AP2A2: variants seen among roughly 807,000 people sequenced by gnomAD.
AP2A2 encodes the protein adaptor related protein complex 2 subunit alpha 2.
In AP2A2, 32 loss-of-function variants were observed where a neutral mutation model predicts 104.2. The observed-to-expected ratio is 0.31, with a 90% CI of 0.23 to 0.41. The LOEUF is 0.41. Ranked by LOEUF, AP2A2 falls within the 10% of genes least tolerant of loss-of-function variation. AP2A2 has a pLI of 1.00. For synonymous variants in AP2A2, 539 were observed against 533.3 expected (o/e 1.01, Z -0.15); for missense variants, 912 against 1,261.0 (o/e 0.72, Z 4.19).
rs533502307 is a variant in AP2A2, at chr11:1,011,459, G to A, written c.*834G>A. 3.4e-5 allele frequency: 17 copies of A among 496,402 alleles called. No homozygotes were observed. In the East Asian group the frequency reaches 3.5e-4, roughly 10 times the overall value. 30.7% of individuals were successfully genotyped at this position (496,402 alleles called of 1,614,324 possible). On this transcript the variant is annotated 3_prime_UTR_variant, in exon 22 of 22. Coordinates refer to ENST00000448903, the MANE Select transcript of AP2A2 (RefSeq NM_012305.4). ...AGGCCTGAGTCCTTCCACCGGCCCC[G>A]TCCAGTCGTCCCTGGAGGGGCTGTG...
Position 993,722 on chromosome 11 carries a change from G to C in AP2A2, c.1551-32G>C. ...GTGCTGCAGCCTGCGAGGGGACGAC[G>C]GTGTCCCTGTGTTGTGCCTCCCCGT... On this transcript the variant is annotated intron_variant, in intron 12 of 21. Coordinates refer to ENST00000448903, the MANE Select transcript of AP2A2 (RefSeq NM_012305.4). This position sits in a 1 kb window ranked among gnomAD's most constrained non-coding sequence, Gnocchi z 8.2. 1 of 1,524,982 alleles carries C rather than the reference G, an allele frequency of 6.6e-7. No homozygotes were observed. Among genetic ancestry groups the C allele is most frequent in the Non-Finnish European group, 8.9e-7 (1 of 1,127,710 alleles). The allele number at this position is 1,524,982 out of a possible 1,614,324, so 94.5% of individuals were successfully genotyped here. A position where few individuals can be genotyped will look rare whatever the true frequency, so the allele number is the denominator to read the frequency against.
At chr11:1,008,986 G>A (rs1269765662) in intron 18 of AP2A2, 114 bp from the exon 19 acceptor site, 14 of 839,942 alleles carry the variant, frequency 1.7e-5, no homozygotes, top group East Asian at 8.0e-5. Flanking sequence ...CCCCCGACCC[G>A]CTCTGGTGGG....
At chr11:991,533 G>T (rs1024620967) in intron 10 of AP2A2, among the ~76,000 whole-genome samples, 1 of 152,204 alleles carries the variant, frequency 6.6e-6, no homozygotes, top group African/African-American at 2.4e-5. Context: ...CAGGGCACGC[G>T]AGGCAGGGGT....
chr11:941,779 G>C (rs1161521715), intron 1 of AP2A2, among the ~76,000 whole-genome samples: 1 of 151,592 alleles, frequency 6.6e-6, no homozygotes, highest in Non-Finnish European at 1.5e-5. Flanking sequence ...GTAGACATGG[G>C]GTTTTGCCAT....
chr11:933,727 C>T (rs1853362478), intron 1 of AP2A2: 1 of 445,346 alleles, frequency 2.2e-6, no homozygotes, highest in Non-Finnish European at 4.5e-6. Flanking sequence ...GACTCGTGGG[C>T]ACTCAGGAGC....
chr11:954,722 GGTGTGT>G (rs56329960), intron 1 of AP2A2, among the ~76,000 whole-genome samples: 24 of 150,666 alleles, frequency 1.6e-4, no homozygotes, highest in African/African-American at 5.9e-4. Flanking sequence ...GTGTGTATTT[GGTGTGT>G]GTGTGTGTGT....
In AP2A2 at chr11:947,152, A is replaced by G. The variant is rs559770752; in HGVS notation, c.68-12285A>G. Among the ~76,000 whole-genome samples, 4 of 152,032 alleles carry G rather than the reference A, an allele frequency of 2.6e-5. No individual in the cohort carries two copies. In the South Asian group the frequency reaches 8.3e-4, roughly 32 times the overall value. Reference sequence around the variant, plus strand: ...TAGCCTTTTGAGTAGCTGGGATTACAGACTCCCGCCACCAGGCCCAGCTAA... The same window carrying G: ...TAGCCTTTTGAGTAGCTGGGATTACGGACTCCCGCCACCAGGCCCAGCTAA... On this transcript the variant is annotated intron_variant, in intron 1 of 21. Transcript: ENST00000448903.
At chr11:997,686 C>G (rs1396126600) in intron 14 of AP2A2, among the ~76,000 whole-genome samples, 1 of 152,174 alleles carries the variant, frequency 6.6e-6, no homozygotes, top group Non-Finnish European at 1.5e-5. Flanking sequence ...GGGCGGATCA[C>G]TTGAGGTCAG....
At chr11:1,009,283 G>T (rs374584687) in intron 19 of AP2A2, 45 bp from the exon 20 acceptor site, 1 of 1,610,772 alleles carries the variant, frequency 6.2e-7, no homozygotes, top group South Asian at 1.1e-5. Context: ...GTGGGTTTTG[G>T]TCTCTGGCCT....
intron 1 of AP2A2, among the ~76,000 whole-genome samples, chr11:935,346 C>A (rs371070649): frequency 6.6e-6 from 1 of 151,822 alleles, no homozygotes; most frequent in East Asian, 1.9e-4. Flanking sequence ...TGTGAGCCAC[C>A]GCGCCCAGCT....
In AP2A2 at chr11:1,011,065, C is replaced by T. The variant is rs1485459052; in HGVS notation, c.*440C>T. 1.6e-6 allele frequency: 1 copy of T among 623,348 alleles called. No individual in the cohort carries two copies. The highest frequency in any genetic ancestry group is 3.0e-6 in the Non-Finnish European group (1 of 329,036). The allele number at this position is 623,348 out of a possible 1,614,324, so 38.6% of individuals were successfully genotyped here. On this transcript the variant is annotated 3_prime_UTR_variant, in exon 22 of 22. Transcript: ENST00000448903. ...GTGTGTGGCCGTCCTGGTGGCTGCA[C>T]ACCTGGCGTCGTCCTGGGCCCTTGG...
At position 1,011,494 on chromosome 11, in the gene AP2A2, C is replaced by T. The variant is rs760448731; in HGVS notation, c.*869C>T. On this transcript the variant is annotated 3_prime_UTR_variant, in exon 22 of 22. Transcript: ENST00000448903. ...CCCTGGAGGGGCTGTGGAGGAGGGA[C>T]GCCTCTGTGTGGTCAGGAAGTGAAG... 3.0e-5 allele frequency: 15 copies of T among 494,028 alleles called. No homozygotes were observed. The highest frequency in any genetic ancestry group is 1.2e-4 in the African/African-American group (6 of 51,554). 30.6% of individuals were successfully genotyped at this position (494,028 alleles called of 1,614,324 possible). A position where few individuals can be genotyped will look rare whatever the true frequency, so the allele number is the denominator to read the frequency against.
At chr11:978,819 G>GTCT (rs1855139971) in intron 5 of AP2A2, among the ~76,000 whole-genome samples, 2 of 152,208 alleles carry the variant, frequency 1.3e-5, no homozygotes, top group African/African-American at 4.8e-5. Flanking sequence ...GTCTTGTGGA[G>GTCT]TGGGACAGGA....
At chr11:1,005,599 C>CCTCTCAGCGCCTGCCTT (rs1190965963) in intron 16 of AP2A2, among the ~76,000 whole-genome samples, 1 of 152,240 alleles carries the variant, frequency 6.6e-6, no homozygotes, top group Non-Finnish European at 1.5e-5. Flanking sequence ...GGACCTGCCT[C>CCTCTCAGCGCCTGCCTT]CTCTCAGCGC....
At chr11:976,998 C>T in intron 4 of AP2A2, 97 bp from the exon 5 acceptor site, 1 of 1,534,716 alleles carries the variant, frequency 6.5e-7, no homozygotes, top group Non-Finnish European at 8.8e-7. Flanking sequence ...TGCGCCAGCC[C>T]CACCCCCGCG....
chr11:972,866 C>T (rs768973996), intron 4 of AP2A2, among the ~76,000 whole-genome samples: 1 of 152,286 alleles, frequency 6.6e-6, no homozygotes, highest in African/African-American at 2.4e-5. Context: ...TGGGCAGCTC[C>T]TCCTCGTGCC....
At chr11:961,804 G>A (rs1409119544) in intron 2 of AP2A2, among the ~76,000 whole-genome samples, 1 of 142,098 alleles carries the variant, frequency 7.0e-6, no homozygotes, top group African/African-American at 2.7e-5. Context: ...TGACAGAGTC[G>A]CCGCCACGAG....
Position 983,452 on chromosome 11 carries a change from G to A in AP2A2, c.706-1193G>A, listed in dbSNP as rs1018465587. 1.7e-4 allele frequency among the ~76,000 whole-genome samples: 26 copies of A among 151,600 alleles called. No homozygotes were observed. The East Asian group carries it at 3.1e-3, about 18-fold the overall frequency. On this transcript the variant is annotated intron_variant, in intron 6 of 21. Coordinates refer to ENST00000448903, the MANE Select transcript of AP2A2 (RefSeq NM_012305.4). ...GGCTGGAGTGCAGTGGCACGATCTT[G>A]GCTCACTACAAGCTCCGCCTCCTGG... is the stretch of plus-strand genomic sequence containing the variant.
At chr11:996,365 G>GTGCTCTCGCTCCCCTCCAGC (rs1855858059) in intron 14 of AP2A2, 1 of 152,298 alleles carries the variant, frequency 6.6e-6, no homozygotes, top group African/African-American at 2.4e-5. Context: ...AAGGCACCAG[G>GTGCTCTCGCTCCCCTCCAGC]TGCTCTCGCT....
Sources: allele counts gnomAD v4.1 joint callset (sites outside exome capture counted in the v4.1 genomes callset), GRCh38; gene constraint gnomAD v4.1.1; non-coding constraint Gnocchi (gnomAD v3.1); transcripts MANE v1.5; gene names NCBI Gene and HGNC (gene_info 2026-07-23, HGNC 2026-07-21).